Variants in MTUS1 observed in about 807,000 individuals in gnomAD.
The protein encoded by MTUS1 is microtubule-associated tumor suppressor 1.
In MTUS1, 109 loss-of-function variants were observed where a neutral mutation model predicts 120.8. The observed-to-expected ratio is 0.90, with a 90% CI of 0.77 to 1.06. The LOEUF is 1.06. Among genes scored for constraint, MTUS1 ranks in the 50% least tolerant of loss-of-function variants. The probability of loss-of-function intolerance (pLI) is 0.00; values close to 1 mark genes in which losing one functional copy is unlikely to be tolerated. For missense variants in MTUS1, 2,210 were observed against 1,486.3 expected, an observed-to-expected ratio of 1.49 and a Z score of -8.01; for synonymous variants, 737 against 550.5, an observed-to-expected ratio of 1.34 and a Z score of -4.74.
Position 17,675,166 on chromosome 8 carries a change from C to G in MTUS1, c.2905+20G>C, listed in dbSNP as rs1812826688. 1 of 1,613,814 alleles carries G rather than the reference C, an allele frequency of 6.2e-7. No individual in the cohort carries two copies. Among genetic ancestry groups the G allele is most frequent in the Non-Finnish European group, 8.5e-7 (1 of 1,179,772 alleles). ...CCCCTTGTCCCATAAAATTTAACAA[C>G]AACAACAAAAAGCTCTTACCTAGCT... On this transcript the variant is annotated intron_variant, in intron 8 of 14. Coordinates refer to ENST00000693296, the MANE Select transcript of MTUS1 (RefSeq NM_001363059.2).
chr8:17,697,294 A>T, intron 6 of MTUS1: 2 of 1,614,162 alleles, frequency 1.2e-6, no homozygotes, highest in Non-Finnish European at 1.7e-6. Flanking sequence ...TAAACCCTGA[A>T]GGAAGTCGAA....
At chr8:17,666,308 G>T (rs1265045828) in intron 8 of MTUS1, among the ~76,000 whole-genome samples, 1 of 151,276 alleles carries the variant, frequency 6.6e-6, no homozygotes, top group Non-Finnish European at 1.5e-5. Flanking sequence ...ATGATTTTAA[G>T]TCAGGGACTA....
intron 3 of MTUS1, among the ~76,000 whole-genome samples, chr8:17,734,543 C>A: frequency 6.6e-6 from 1 of 152,102 alleles, no homozygotes; most frequent in East Asian, 1.9e-4. Context: ...CAGTACCTGC[C>A]TCTGCAAGTA....
At chr8:17,783,442 T>C (rs1037175104) in intron 1 of MTUS1, among the ~76,000 whole-genome samples, 2 of 152,206 alleles carry the variant, frequency 1.3e-5, no homozygotes, top group African/African-American at 4.8e-5. Flanking sequence ...TTTGCCTTTC[T>C]TAGATGGGAG....
chr8:17,790,077 G>A (rs2051643004), intron 1 of MTUS1, among the ~76,000 whole-genome samples: 2 of 152,008 alleles, frequency 1.3e-5, no homozygotes, highest in Non-Finnish European at 2.9e-5. Flanking sequence ...AACTGGGCAC[G>A]GTGGCTCACA....
chr8:17,719,168 T>A (rs1157281647), intron 4 of MTUS1, among the ~76,000 whole-genome samples: 2 of 152,002 alleles, frequency 1.3e-5, no homozygotes, highest in African/African-American at 4.8e-5. Flanking sequence ...AGACTCTGTC[T>A]CAAAAAAAAA....
chr8:17,680,388 C>T (rs539210923), intron 7 of MTUS1, among the ~76,000 whole-genome samples: 1 of 136,258 alleles, frequency 7.3e-6, no homozygotes, highest in East Asian at 2.3e-4. Flanking sequence ...TGGTTGAACC[C>T]AGGTGGCGGA....
rs1247191637 is a variant in MTUS1, at chr8:17,670,203, G to A, written c.2905+4983C>T. Among the ~76,000 whole-genome samples the A allele has an allele frequency of 5.9e-5, 9 of 152,302 alleles. No individual in the cohort carries two copies. In the East Asian group the frequency reaches 1.7e-3, roughly 29 times the overall value. On this transcript the variant is annotated intron_variant, in intron 8 of 14. Coordinates refer to ENST00000693296, the MANE Select transcript of MTUS1 (RefSeq NM_001363059.2). Reference sequence around the variant, plus strand: ...CGCTGCATGGCGCTCAGGAAGGAAGGGGCTGGACCATCAGGAAGGTCTGAT... The same window carrying A: ...CGCTGCATGGCGCTCAGGAAGGAAGAGGCTGGACCATCAGGAAGGTCTGAT...
At chr8:17,649,133 G>A (rs1007492143) in intron 13 of MTUS1, among the ~76,000 whole-genome samples, 1 of 151,754 alleles carries the variant, frequency 6.6e-6, no homozygotes, top group African/African-American at 2.4e-5. Flanking sequence ...ATGTCGCCCA[G>A]GCTGGAATGC....
At chr8:17,794,069 T>G (rs2052017700) in intron 1 of MTUS1, among the ~76,000 whole-genome samples, 1 of 152,186 alleles carries the variant, frequency 6.6e-6, no homozygotes, top group Non-Finnish European at 1.5e-5. Context: ...GGCTCACGTC[T>G]GTAGTCCCAG....
chr8:17,733,359 T>TAA (rs33999065), intron 3 of MTUS1, among the ~76,000 whole-genome samples: 22,228 of 138,762 alleles, frequency 0.16, 1,800 homozygotes, highest in Middle Eastern at 0.21. Flanking sequence ...TCAAAAAAAT[T>TAA]AAAAAAAAAA....
At chr8:17,658,910 G>C (rs1274150935) in intron 8 of MTUS1, among the ~76,000 whole-genome samples, 5 of 151,930 alleles carry the variant, frequency 3.3e-5, no homozygotes, top group South Asian at 4.1e-4. Context: ...CTGCCAAAGA[G>C]AACCCTTAAA....
At chr8:17,716,775 C>G (rs1822425341) in intron 4 of MTUS1, among the ~76,000 whole-genome samples, 1 of 152,262 alleles carries the variant, frequency 6.6e-6, no homozygotes, top group Non-Finnish European at 1.5e-5. Context: ...AGGATGGTCT[C>G]GATCTCCTGA....
chr8:17,722,891 C>A (rs1293904727), intron 4 of MTUS1, among the ~76,000 whole-genome samples: 2 of 152,130 alleles, frequency 1.3e-5, no homozygotes, highest in African/African-American at 4.8e-5. Context: ...ACTGATCTGT[C>A]AAACTGAAGA....
intron 6 of MTUS1, among the ~76,000 whole-genome samples, chr8:17,689,468 T>C (rs1014096073): frequency 1.3e-5 from 2 of 152,160 alleles, no homozygotes; most frequent in East Asian, 1.9e-4. Flanking sequence ...TAATTACGCT[T>C]ATAAAATTTT....
intron 6 of MTUS1, among the ~76,000 whole-genome samples, chr8:17,695,165 G>C (rs1817705271): frequency 6.6e-6 from 1 of 152,156 alleles, no homozygotes; most frequent in Non-Finnish European, 1.5e-5. Context: ...ACATAACATG[G>C]ATAAGCCCAT....
rs1481908227 is a variant in MTUS1 at position 17,693,896 on chromosome 8, C to T, written c.2624-9354G>A. Among the ~76,000 whole-genome samples, 13 of 152,212 alleles carry T rather than the reference C, an allele frequency of 8.5e-5. No homozygotes were observed. The South Asian group carries it at 2.3e-3, about 27-fold the overall frequency. ...ATCTAACGGGTACTTCTTTATGAAACGAATGAATTAATCTGTAATGTGAAA... is the reference window on the plus strand; with the variant it reads ...ATCTAACGGGTACTTCTTTATGAAATGAATGAATTAATCTGTAATGTGAAA... On this transcript the variant is annotated intron_variant, in intron 6 of 14. Transcript: ENST00000693296.
chr8:17,708,634 T>G (rs1820632253), intron 6 of MTUS1: 1 of 152,226 alleles, frequency 6.6e-6, no homozygotes, highest in Admixed American at 6.5e-5. Flanking sequence ...CATAGAATAT[T>G]AGCTATCTTT....
At chr8:17,671,281 A>T (rs1811970772) in intron 8 of MTUS1, among the ~76,000 whole-genome samples, 1 of 152,152 alleles carries the variant, frequency 6.6e-6, no homozygotes, top group Non-Finnish European at 1.5e-5. Context: ...TTCTAAAAAA[A>T]AAAAAAACTT....
Sources: gnomAD v4.1 joint callset for allele counts (sites outside exome capture counted in the v4.1 genomes callset) on GRCh38, gnomAD v4.1.1 for gene constraint, MANE v1.5 for transcripts, NCBI Gene and HGNC (gene_info 2026-07-23, HGNC 2026-07-21) for gene names.